Variants in RBM47 observed in about 807,000 individuals in gnomAD.
The protein encoded by RBM47 is RNA-binding protein 47.
In RBM47, 21 loss-of-function variants were observed where a neutral mutation model predicts 47.1. The observed-to-expected ratio is 0.45, with a 90% CI of 0.32 to 0.64. The LOEUF is 0.64. Among genes scored for constraint, RBM47 ranks in the 30% least tolerant of loss-of-function variants. RBM47 has a pLI of 0.05. For missense variants in RBM47, 708 were observed against 870.9 expected (o/e 0.81, Z 2.35); for synonymous variants, 375 against 361.7 (o/e 1.04, Z -0.42).
chr4:40,454,287 A>G (rs1169458721), intron 3 of RBM47, among the ~76,000 whole-genome samples: 1 of 152,160 alleles, frequency 6.6e-6, no homozygotes, highest in Non-Finnish European at 1.5e-5. Flanking sequence ...TAGCTGTGTG[A>G]CACATTGGTA....
chr4:40,548,749 C>A (rs1729261821), intron 1 of RBM47, among the ~76,000 whole-genome samples: 1 of 152,196 alleles, frequency 6.6e-6, no homozygotes, highest in Non-Finnish European at 1.5e-5. Flanking sequence ...TCACTGCAAC[C>A]TCTGCCTCCT....
intron 3 of RBM47, among the ~76,000 whole-genome samples, chr4:40,450,240 G>A (rs1715202100): frequency 6.6e-6 from 1 of 152,158 alleles, no homozygotes; most frequent in African/African-American, 2.4e-5. Context: ...GGAAGGAGAA[G>A]CCACAGTGGC....
intron 5 of RBM47, among the ~76,000 whole-genome samples, chr4:40,434,005 GTGTGTGT>G (rs758314962): frequency 0.12 from 8,095 of 65,996 alleles, 1,601 homozygotes; most frequent in Middle Eastern, 0.17. Flanking sequence ...GGGCGGGGGT[GTGTGTGT>G]GTGTGTGTGT....
At chr4:40,599,257 C>CA (rs11445088) in intron 1 of RBM47, among the ~76,000 whole-genome samples, 88,152 of 127,830 alleles carry the variant, frequency 0.69, 29,708 homozygotes, top group Middle Eastern at 0.79. Context: ...GACTCCGTCT[C>CA]AAAAAAAAAA....
At chr4:40,500,964 AG>A (rs1220816309) in intron 2 of RBM47, among the ~76,000 whole-genome samples, 1 of 152,030 alleles carries the variant, frequency 6.6e-6, no homozygotes, top group African/African-American at 2.4e-5. Flanking sequence ...TCAAATTCTA[AG>A]GTTTGAAAAA....
chr4:40,605,732 G>A (rs1413901942), intron 1 of RBM47, among the ~76,000 whole-genome samples: 1 of 151,984 alleles, frequency 6.6e-6, no homozygotes, highest in Non-Finnish European at 1.5e-5. Context: ...TTGGGAGGCT[G>A]AGGAAGGAGA....
At chr4:40,552,626 C>G (rs1298816984) in intron 1 of RBM47, among the ~76,000 whole-genome samples, 1 of 152,166 alleles carries the variant, frequency 6.6e-6, no homozygotes, top group African/African-American at 2.4e-5. Context: ...CTTCCCTTCT[C>G]AAAACCCTCC....
In RBM47 at chr4:40,446,026, G is replaced by C. The variant is rs562220296; in HGVS notation, c.-31-7102C>G. ...TGTTGAATAAATGCAAGTCTCTAGAGTCAGACAGTCTGAAGTCCAAATCTT... is the reference window on the plus strand; with the variant it reads ...TGTTGAATAAATGCAAGTCTCTAGACTCAGACAGTCTGAAGTCCAAATCTT... On this transcript the variant is annotated intron_variant, in intron 3 of 6. Transcript: ENST00000295971. Among the ~76,000 whole-genome samples, 9 of 152,326 alleles carry C rather than the reference G, an allele frequency of 5.9e-5. No homozygotes were observed. The South Asian group carries it at 1.9e-3, about 32-fold the overall frequency.
At chr4:40,618,967 C>T (rs1737001693) in intron 1 of RBM47, among the ~76,000 whole-genome samples, 1 of 152,080 alleles carries the variant, frequency 6.6e-6, no homozygotes. Flanking sequence ...GCCAGCAACA[C>T]AGATCAGAAC....
chr4:40,618,288 G>A (rs1300932503), intron 1 of RBM47, among the ~76,000 whole-genome samples: 2 of 151,878 alleles, frequency 1.3e-5, no homozygotes, highest in East Asian at 3.9e-4. Flanking sequence ...AGGCAGCCAG[G>A]CATGTGATGT....
chr4:40,504,307 T>C (rs1407819770), intron 2 of RBM47, among the ~76,000 whole-genome samples: 1 of 150,752 alleles, frequency 6.6e-6, no homozygotes, highest in African/African-American at 2.4e-5. Flanking sequence ...TTTTTTTTTT[T>C]TGAGATGGAG....
intron 2 of RBM47, among the ~76,000 whole-genome samples, chr4:40,522,967 C>CTTTT (rs529306760): frequency 3.4e-5 from 4 of 116,896 alleles, no homozygotes; most frequent in African/African-American, 6.7e-5. Context: ...TCTCAAAAAT[C>CTTTT]TTTTTTTTTT....
chr4:40,537,968 T>C (rs982280661), intron 2 of RBM47, among the ~76,000 whole-genome samples: 6 of 130,566 alleles, frequency 4.6e-5, no homozygotes, highest in African/African-American at 2.3e-4. Flanking sequence ...GCCTCCCAAG[T>C]AGCTAGGACT....
At chr4:40,609,616 AC>A (rs1358551255) in intron 1 of RBM47, among the ~76,000 whole-genome samples, 3 of 151,732 alleles carry the variant, frequency 2.0e-5, no homozygotes, top group Non-Finnish European at 4.4e-5. Flanking sequence ...CCCAGCCATG[AC>A]CTTTTTCTTC....
At chr4:40,591,857 A>G (rs900868929) in intron 1 of RBM47, among the ~76,000 whole-genome samples, 2 of 152,226 alleles carry the variant, frequency 1.3e-5, no homozygotes, top group Non-Finnish European at 2.9e-5. Flanking sequence ...AAGTGAAGAC[A>G]TATGGCAGAA....
At chr4:40,509,956 G>T (rs1007163525) in intron 2 of RBM47, among the ~76,000 whole-genome samples, 3 of 151,812 alleles carry the variant, frequency 2.0e-5, no homozygotes, top group Admixed American at 1.3e-4. Context: ...GGAGGCTGAG[G>T]GGGGGTGGGT....
At chr4:40,553,371 C>T (rs1370474974) in intron 1 of RBM47, among the ~76,000 whole-genome samples, 2 of 152,014 alleles carry the variant, frequency 1.3e-5, no homozygotes, top group Non-Finnish European at 2.9e-5. Context: ...GGTCTCGGCT[C>T]ACTCCAACCT....
At chr4:40,562,012 T>C (rs1215810874) in intron 1 of RBM47, among the ~76,000 whole-genome samples, 1 of 152,196 alleles carries the variant, frequency 6.6e-6, no homozygotes, top group East Asian at 1.9e-4. Flanking sequence ...AAATAGCCCA[T>C]GTGACTACTT....
chr4:40,597,371 G>A (rs1024934199), intron 1 of RBM47, among the ~76,000 whole-genome samples: 24 of 152,144 alleles, frequency 1.6e-4, no homozygotes, highest in African/African-American at 5.3e-4. Context: ...TGAGGGGAGC[G>A]GATCACTTGA....
Sources: allele counts gnomAD v4.1 joint callset (sites outside exome capture counted in the v4.1 genomes callset), GRCh38; gene constraint gnomAD v4.1.1; transcripts MANE v1.5; gene names NCBI Gene and HGNC (gene_info 2026-07-23, HGNC 2026-07-21).